RADX: variants seen among roughly 807,000 people sequenced by gnomAD.
RADX encodes RPA-related protein RADX.
Under a neutral mutation model 61.6 loss-of-function variants are expected in RADX, and 36 were observed. The observed-to-expected ratio is 0.58, with a 90% CI of 0.45 to 0.77. The LOEUF (loss-of-function observed/expected upper bound fraction) is 0.77, where lower values mean the gene tolerates loss of function less well. Among genes scored for constraint, RADX ranks in the 30% least tolerant of loss-of-function variants. RADX has a pLI of 0.00. For missense variants in RADX, 497 were observed against 651.1 expected, an observed-to-expected ratio of 0.76 and a Z score of 2.58; for synonymous variants, 272 against 237.9, an observed-to-expected ratio of 1.14 and a Z score of -1.32.
intron 13 of RADX, 38 bp from the exon 14 acceptor site, chrX:106,678,089 AC>A (rs762471536): frequency 1.0e-6 from 1 of 975,525 alleles, no homozygotes; most frequent in East Asian, 3.1e-5. Context: ...TAAATATTTA[AC>A]TATTTTACAG....
At chrX:106,666,953 CAT>C (rs910456472) in intron 12 of RADX, among the ~76,000 whole-genome samples, 1 of 112,011 alleles carries the variant, frequency 8.9e-6, no homozygotes, top group Non-Finnish European at 1.9e-5. Flanking sequence ...AAAATGCACA[CAT>C]GTGTATTTAT....
At chrX:106,616,342 T>G (rs1183098949) in intron 1 of RADX, among the ~76,000 whole-genome samples, 1 of 111,826 alleles carries the variant, frequency 8.9e-6, no homozygotes, top group Non-Finnish European at 1.9e-5. Context: ...ATTAGTCTTA[T>G]TGTTGGTGTT....
rs185212971 is a variant in RADX at position 106,628,404 on chromosome X, G to C, written c.979+3122G>C. Among the ~76,000 whole-genome samples, 14 of 111,689 alleles carry C rather than the reference G, an allele frequency of 1.3e-4. No homozygotes were observed. The East Asian group carries it at 3.9e-3, about 32-fold the overall frequency. On this transcript the variant is annotated intron_variant, in intron 3 of 13. Transcript: ENST00000372548. ...GGACAGTAAAGTAGGAGAATGTGTT[G>C]CATGGGAGAAAGTGTTAAGCAGAGA...
chrX:106,624,540 A>G (rs1927033414), intron 2 of RADX, among the ~76,000 whole-genome samples: 1 of 111,558 alleles, frequency 9.0e-6, no homozygotes, highest in Admixed American at 9.6e-5. Flanking sequence ...AATTGTACTT[A>G]CCTTACAGGA....
rs1211934221 is a variant in RADX, at chrX:106,633,194, A to G, written c.1245A>G (p.Pro415=). ...IHIADGTSEQ[P]FIVELFSTSQ... ...TTGCTGACGGTACTTCAGAACAACC[A>G]TTTATAGTGGAACTGTTTTCAACAT... is the stretch of plus-strand genomic sequence containing the variant. The change falls in exon 6 of 14, where the codon CCA becomes CCG. Residue 415 remains proline (P), a synonymous_variant. Coordinates refer to ENST00000372548, the MANE Select transcript of RADX (RefSeq NM_018015.6). 1.7e-6 allele frequency: 2 copies of G among 1,204,819 alleles called. No individual in the cohort carries two copies. The highest frequency in any genetic ancestry group is 2.2e-6 in the Non-Finnish European group (2 of 889,513).
At chrX:106,616,132 A>G (rs985378554) in intron 1 of RADX, among the ~76,000 whole-genome samples, 2 of 111,524 alleles carry the variant, frequency 1.8e-5, no homozygotes, top group African/African-American at 3.3e-5. Context: ...TCTTTTAGAA[A>G]AAGTGATTAA....
chrX:106,619,235 T>A (rs1348175798), intron 1 of RADX, among the ~76,000 whole-genome samples: 1 of 111,526 alleles, frequency 9.0e-6, no homozygotes, highest in Non-Finnish European at 1.9e-5. Flanking sequence ...TACATTTCTG[T>A]TTCCGTCTCC....
chrX:106,627,827 T>TTTTATTTA (rs746248386), intron 3 of RADX, among the ~76,000 whole-genome samples: 1 of 111,147 alleles, frequency 9.0e-6, no homozygotes, highest in African/African-American at 3.3e-5. Context: ...TTTTTATTGT[T>TTTTATTTA]TTTATTTATT....
chrX:106,669,103 G>T, intron 12 of RADX, 60 bp from the exon 13 acceptor site: 1 of 932,738 alleles, frequency 1.1e-6, no homozygotes, highest in Non-Finnish European at 1.5e-6. Flanking sequence ...AGCAAACTCG[G>T]CATCAGCACC....
chrX:106,632,477 G>A, intron 3 of RADX, 148 bp from the exon 4 acceptor site: 1 of 346,217 alleles, frequency 2.9e-6, no homozygotes, highest in African/African-American at 2.7e-5. Flanking sequence ...TGATAATGGA[G>A]GTAGAAGAAC....
chrX:106,676,779 C>T (rs1006017818), intron 13 of RADX, among the ~76,000 whole-genome samples: 3 of 111,732 alleles, frequency 2.7e-5, no homozygotes, highest in African/African-American at 9.8e-5. Flanking sequence ...ATTTACAATT[C>T]TGCCTTAGCC....
chrX:106,626,055 G>T (rs2147615189), intron 3 of RADX, among the ~76,000 whole-genome samples: 1 of 111,477 alleles, frequency 9.0e-6, no homozygotes, highest in Non-Finnish European at 1.9e-5. Context: ...TTCCTAGTTA[G>T]TATTGGTATA....
chrX:106,642,611 C>T (rs751380166), intron 10 of RADX, among the ~76,000 whole-genome samples: 1 of 111,695 alleles, frequency 9.0e-6, no homozygotes, highest in East Asian at 2.8e-4. Flanking sequence ...AAATAGTACT[C>T]CATTGGGTAT....
intron 2 of RADX, 137 bp from the exon 3 acceptor site, chrX:106,624,953 T>C: frequency 2.8e-6 from 1 of 360,294 alleles, no homozygotes; most frequent in Non-Finnish European, 4.6e-6. Flanking sequence ...AATTGACAAC[T>C]GAATCATTAT....
At chrX:106,654,583 TAC>T (rs1221957825) in intron 11 of RADX, among the ~76,000 whole-genome samples, 6 of 111,220 alleles carry the variant, frequency 5.4e-5, no homozygotes, top group Admixed American at 2.9e-4. Context: ...ACCCCTTCCT[TAC>T]ACCTTATACA....
chrX:106,677,120 C>T (rs1928531286), intron 13 of RADX, among the ~76,000 whole-genome samples: 1 of 111,901 alleles, frequency 8.9e-6, no homozygotes, highest in Non-Finnish European at 1.9e-5. Context: ...CTGGGTAAAA[C>T]AAAAGTAAAC....
At chrX:106,661,682 T>C (rs1201092104) in intron 11 of RADX, among the ~76,000 whole-genome samples, 2 of 111,829 alleles carry the variant, frequency 1.8e-5, no homozygotes, top group Non-Finnish European at 3.8e-5. Flanking sequence ...TTTGAATTTG[T>C]CACTGAATAT....
chrX:106,677,796 A>C (rs980006013), intron 13 of RADX, among the ~76,000 whole-genome samples: 5 of 111,119 alleles, frequency 4.5e-5, no homozygotes, highest in Admixed American at 2.9e-4. Context: ...TATACCAATA[A>C]GCTATTTATT....
At chrX:106,663,512 AT>A (rs1928155012) in intron 12 of RADX, among the ~76,000 whole-genome samples, 1 of 112,026 alleles carries the variant, frequency 8.9e-6, no homozygotes, top group Admixed American at 9.5e-5. Flanking sequence ...ATCATGGATA[AT>A]AGATACAAAA....
Sources: allele counts gnomAD v4.1 joint callset (sites outside exome capture counted in the v4.1 genomes callset), GRCh38; gene constraint gnomAD v4.1.1; transcripts MANE v1.5; gene names NCBI Gene and HGNC (gene_info 2026-07-23, HGNC 2026-07-21).